Variants in TIMP3 observed in about 807,000 individuals in gnomAD.
TIMP3 encodes the protein TIMP metallopeptidase inhibitor 3, also known as metalloproteinase inhibitor 3.
TIMP3 carries 11 observed loss-of-function variants against 30.0 expected under a neutral mutation model. That is an observed-to-expected ratio of 0.37 (90% CI 0.23 to 0.61). TIMP3 has a LOEUF of 0.61. Among genes scored for constraint, TIMP3 ranks in the 20% least tolerant of loss-of-function variants. TIMP3 has a pLI of 0.70. For missense variants in TIMP3, 181 were observed against 276.8 expected (o/e 0.65, Z 2.45); for synonymous variants, 112 against 111.3 (o/e 1.01, Z -0.04).
At chr22:32,853,206 G>T (rs2048271693) in intron 2 of TIMP3, among the ~76,000 whole-genome samples, 1 of 152,190 alleles carries the variant, frequency 6.6e-6, no homozygotes, top group South Asian at 2.1e-4. Flanking sequence ...GGTTCTTCCT[G>T]CCTTAGGACT....
chr22:32,859,549 C>A lies in TIMP3; in HGVS notation c.*172C>A. ...CATATGGGGTTTATTGGGAACTATC[C>A]TCCTGGCCCCACCCTGCCCCTTCTT... On this transcript the variant is annotated 3_prime_UTR_variant, in exon 5 of 5. Transcript: ENST00000266085. 1.2e-6 allele frequency: 1 copy of A among 821,618 alleles called. No homozygotes were observed. The highest frequency in any genetic ancestry group is 1.9e-6 in the Non-Finnish European group (1 of 539,870). 50.9% of individuals were successfully genotyped at this position (821,618 alleles called of 1,614,324 possible).
rs370344672 is a variant in TIMP3 at position 32,862,120 on chromosome 22, T to A, written c.*2743T>A. The A allele has an allele frequency of 5.0e-4, 77 of 152,688 alleles. No individual in the cohort carries two copies. Among genetic ancestry groups the A allele is most frequent in the African/African-American group, 1.8e-3 (74 of 41,584 alleles). 9.5% of individuals were successfully genotyped at this position (152,688 alleles called of 1,614,324 possible). On this transcript the variant is annotated 3_prime_UTR_variant, in exon 5 of 5. Coordinates refer to ENST00000266085, the MANE Select transcript of TIMP3 (RefSeq NM_000362.5). The stretch of plus-strand genomic sequence containing the variant: ...AGGAAAAAAGTTTAAACTACATTCA[T>A]GTTCTTGTTCTGTGTCACTCGGCCC...
intron 1 of TIMP3, among the ~76,000 whole-genome samples, chr22:32,813,768 G>A (rs949203692): frequency 5.9e-5 from 9 of 151,640 alleles, no homozygotes; most frequent in African/African-American, 1.9e-4. Flanking sequence ...CCTCGTTCAT[G>A]GCTAGTTGCC....
At chr22:32,846,175 G>T (rs241890) in intron 1 of TIMP3, among the ~76,000 whole-genome samples, 37,221 of 152,146 alleles carry the variant, frequency 0.24, 5,300 homozygotes, top group East Asian at 0.48. Flanking sequence ...TTGTTTGGCT[G>T]GTCTTAGTAG....
Position 32,833,012 on chromosome 22 carries a change from C to T in TIMP3, c.122-16440C>T, listed in dbSNP as rs988568896. On this transcript the variant is annotated intron_variant, in intron 1 of 4. Coordinates refer to ENST00000266085, the MANE Select transcript of TIMP3 (RefSeq NM_000362.5). ...CCTCCCGAAGTCCTGGGATTACAGGCGTGAGCCACCGCGCCCAGCAAGATC... is the reference window on the plus strand; with the variant it reads ...CCTCCCGAAGTCCTGGGATTACAGGTGTGAGCCACCGCGCCCAGCAAGATC... Among the ~76,000 whole-genome samples, 9 of 152,058 alleles carry T rather than the reference C, an allele frequency of 5.9e-5. No homozygotes were observed. The South Asian group carries it at 8.3e-4, about 14-fold the overall frequency.
intron 1 of TIMP3, among the ~76,000 whole-genome samples, chr22:32,816,557 T>C (rs1258183492): frequency 6.6e-6 from 1 of 152,146 alleles, no homozygotes; most frequent in Admixed American, 6.5e-5. Flanking sequence ...GCAGTTCAAA[T>C]GTCAGGGAAA....
intron 1 of TIMP3, among the ~76,000 whole-genome samples, chr22:32,814,439 C>A (rs964017863): frequency 2.0e-5 from 3 of 152,164 alleles, no homozygotes; most frequent in South Asian, 4.2e-4. Flanking sequence ...GCTAAGCTAC[C>A]GTATTAAACA....
intron 1 of TIMP3, among the ~76,000 whole-genome samples, chr22:32,803,925 C>T (rs184434211): frequency 3.9e-5 from 6 of 152,152 alleles, no homozygotes; most frequent in Admixed American, 6.5e-5. Flanking sequence ...AAATTGACCA[C>T]GGAAAAGTGA....
intron 1 of TIMP3, among the ~76,000 whole-genome samples, chr22:32,827,446 G>C (rs1487540090): frequency 6.6e-6 from 1 of 152,136 alleles, no homozygotes; most frequent in African/African-American, 2.4e-5. Flanking sequence ...GCTCCTACTT[G>C]TACAAATGGA....
chr22:32,856,608 A>G (rs1041709402), intron 2 of TIMP3, among the ~76,000 whole-genome samples: 3 of 152,240 alleles, frequency 2.0e-5, no homozygotes, highest in Non-Finnish European at 4.4e-5. Flanking sequence ...ATAGTAATCA[A>G]ATCAGGGTAA....
intron 1 of TIMP3, among the ~76,000 whole-genome samples, chr22:32,829,670 G>A (rs2047519048): frequency 6.6e-6 from 1 of 152,246 alleles, no homozygotes; most frequent in Admixed American, 6.5e-5. Flanking sequence ...CCTCCAGCCA[G>A]GACAATGCCG....
At chr22:32,840,653 C>A (rs533420117) in intron 1 of TIMP3, among the ~76,000 whole-genome samples, 1 of 152,162 alleles carries the variant, frequency 6.6e-6, no homozygotes, top group South Asian at 2.1e-4. Flanking sequence ...CTCCGCCCCC[C>A]ACCCAGATCA....
intron 1 of TIMP3, among the ~76,000 whole-genome samples, chr22:32,807,433 AAT>A (rs1284839519): frequency 7.7e-6 from 1 of 129,176 alleles, no homozygotes; most frequent in African/African-American, 2.9e-5. Flanking sequence ...TTATATATAT[AAT>A]ATATATATTT....
intron 1 of TIMP3, among the ~76,000 whole-genome samples, chr22:32,807,669 A>G (rs1356659422): frequency 6.6e-6 from 1 of 150,950 alleles, no homozygotes; most frequent in African/African-American, 2.4e-5. Context: ...CAAGGAATAC[A>G]GCCTGTATTT....
intron 1 of TIMP3, among the ~76,000 whole-genome samples, chr22:32,817,829 C>T (rs953569451): frequency 6.6e-6 from 1 of 152,288 alleles, no homozygotes; most frequent in South Asian, 2.1e-4. Context: ...AGGCACCCTG[C>T]GAGCAGGTAA....
chr22:32,835,950 C>T (rs1275258171), intron 1 of TIMP3, among the ~76,000 whole-genome samples: 3 of 152,218 alleles, frequency 2.0e-5, no homozygotes, highest in African/African-American at 7.2e-5. Context: ...GCCCTTCTCT[C>T]ATAATTCAGT....
chr22:32,828,472 A>G (rs560753103), intron 1 of TIMP3, among the ~76,000 whole-genome samples: 1 of 152,240 alleles, frequency 6.6e-6, no homozygotes. Context: ...GGTGCTGTGC[A>G]CCCAGGAAAG....
In TIMP3 at chr22:32,822,377, G is replaced by C. The variant is rs139933544; in HGVS notation, c.121+20255G>C. ...ATGTCCCTGGACTTGGCAGAGCAGT[G>C]TGGGGAATCTGGGACTTGCACTTCC... is the stretch of plus-strand genomic sequence containing the variant. On this transcript the variant is annotated intron_variant, in intron 1 of 4. Coordinates refer to ENST00000266085, the MANE Select transcript of TIMP3 (RefSeq NM_000362.5). 2.6e-5 allele frequency among the ~76,000 whole-genome samples: 4 copies of C among 152,256 alleles called. No individual in the cohort carries two copies. In the East Asian group the frequency reaches 7.7e-4, roughly 29 times the overall value.
chr22:32,827,509 G>A (rs1474593423), intron 1 of TIMP3, among the ~76,000 whole-genome samples: 1 of 152,184 alleles, frequency 6.6e-6, no homozygotes, highest in Admixed American at 6.5e-5. Flanking sequence ...GGCTTTTCTA[G>A]GTGTCAGCAT....
Sources: gnomAD v4.1 joint callset for allele counts (sites outside exome capture counted in the v4.1 genomes callset) on GRCh38, gnomAD v4.1.1 for gene constraint, MANE v1.5 for transcripts, NCBI Gene and HGNC (gene_info 2026-07-23, HGNC 2026-07-21) for gene names.